The following ABCA1 variants were observed in gnomAD, a reference collection of about 807,000 sequenced individuals.
The protein encoded by ABCA1 is ATP binding cassette subfamily A member 1, also known as phospholipid-transporting ATPase ABCA1.
ABCA1 carries 133 observed loss-of-function variants against 262.5 expected under a neutral mutation model. That is an observed-to-expected ratio of 0.51 (90% CI 0.44 to 0.59). The LOEUF (loss-of-function observed/expected upper bound fraction) is 0.59. ABCA1 is among the 20% of genes least tolerant of loss of function. The pLI is 0.00. For missense variants in ABCA1, 2,452 were observed against 2,777.5 expected (o/e 0.88, Z 2.63); for synonymous variants, 1,022 against 1,043.5 (o/e 0.98, Z 0.40).
chr9:104,818,149 T>C (rs1364630345), intron 23 of ABCA1, among the ~76,000 whole-genome samples: 1 of 147,532 alleles, frequency 6.8e-6, no homozygotes, highest in Non-Finnish European at 1.5e-5. Flanking sequence ...TCTCTGCACT[T>C]TAATTGAGAT....
At chr9:104,821,797 C>T (rs1444001754) in intron 19 of ABCA1, among the ~76,000 whole-genome samples, 2 of 152,110 alleles carry the variant, frequency 1.3e-5, no homozygotes, top group Non-Finnish European at 2.9e-5. Context: ...TGCCTAACAT[C>T]GCATGCATGG....
chr9:104,857,745 A>G (rs1835970142), intron 7 of ABCA1, among the ~76,000 whole-genome samples: 1 of 152,206 alleles, frequency 6.6e-6, no homozygotes, highest in East Asian at 1.9e-4. Context: ...CTTTCCAGAT[A>G]CATCCTTCCT....
At chr9:104,862,634 C>T (rs10820740) in intron 5 of ABCA1, among the ~76,000 whole-genome samples, 46,095 of 61,750 alleles carry the variant, frequency 0.75, 15,410 homozygotes, top group Middle Eastern at 0.84. Context: ...TGCAGACTGC[C>T]GGGCCGGGCC....
At chr9:104,855,605 C>T (rs1835768116) in intron 7 of ABCA1, 2 of 1,384,470 alleles carry the variant, frequency 1.4e-6, no homozygotes, top group Middle Eastern at 2.4e-4. Flanking sequence ...TATTGTGTGC[C>T]AGGCCCCACA....
At chr9:104,864,270 G>A (rs147414844) in intron 5 of ABCA1, among the ~76,000 whole-genome samples, 1 of 152,260 alleles carries the variant, frequency 6.6e-6, no homozygotes, top group East Asian at 1.9e-4. Context: ...GCCAGGTCCA[G>A]GAAGAGCCCA....
intron 27 of ABCA1, 26 bp downstream of exon 27, chr9:104,814,092 C>T: frequency 6.3e-7 from 1 of 1,586,650 alleles, no homozygotes; most frequent in African/African-American, 1.3e-5. Flanking sequence ...AACAGTAGGA[C>T]ACTGTTTGAT....
At chr9:104,804,313 C>T (rs1830584655) in intron 32 of ABCA1, among the ~76,000 whole-genome samples, 1 of 152,204 alleles carries the variant, frequency 6.6e-6, no homozygotes, top group Non-Finnish European at 1.5e-5. Flanking sequence ...ATTAATATCA[C>T]AATTTAGATA....
At chr9:104,800,853 G>A (rs1283609178) in intron 34 of ABCA1, among the ~76,000 whole-genome samples, 1 of 152,110 alleles carries the variant, frequency 6.6e-6, no homozygotes, top group African/African-American at 2.4e-5. Context: ...TTAATGTCTG[G>A]TTATCACGGT....
intron 7 of ABCA1, chr9:104,855,828 GAGCACCCAGATTCTGA>G: frequency 6.2e-7 from 1 of 1,606,550 alleles, no homozygotes. Context: ...CTGCTTTCCA[GAGCACCCAGATTCTGA>G]AGGAGGCCCA....
chr9:104,874,922 T>A (rs1336049446), intron 5 of ABCA1, among the ~76,000 whole-genome samples: 1 of 149,420 alleles, frequency 6.7e-6, no homozygotes, highest in East Asian at 2.0e-4. Context: ...GGGGGGCGCC[T>A]CTGCCCGGCC....
chr9:104,897,291 G>A (rs779657112), intron 2 of ABCA1, among the ~76,000 whole-genome samples: 1 of 152,114 alleles, frequency 6.6e-6, no homozygotes, highest in Non-Finnish European at 1.5e-5. Flanking sequence ...TGCATTGATG[G>A]TGGCTATTTA....
At chr9:104,806,535 T>C (rs1015752274) in intron 30 of ABCA1, 105 bp from the exon 31 acceptor site, 1 of 1,061,854 alleles carries the variant, frequency 9.4e-7, no homozygotes, top group Non-Finnish European at 1.4e-6. Flanking sequence ...CATGCATCTA[T>C]TCCCTCACCA....
intron 9 of ABCA1, 98 bp from the exon 10 acceptor site, chr9:104,837,665 C>G (rs1044672959): frequency 1.4e-6 from 2 of 1,411,892 alleles, no homozygotes; most frequent in Admixed American, 3.5e-5. Flanking sequence ...GTTGAAACCC[C>G]AGCTCTACCA....
At chr9:104,833,142 C>T (rs1588342666) in intron 11 of ABCA1, among the ~76,000 whole-genome samples, 2 of 152,324 alleles carry the variant, frequency 1.3e-5, no homozygotes, top group South Asian at 2.1e-4. Context: ...CTTCACCTTA[C>T]ACAACTCCAT....
intron 1 of ABCA1, among the ~76,000 whole-genome samples, chr9:104,916,808 G>A (rs1841872332): frequency 6.6e-6 from 1 of 152,162 alleles, no homozygotes; most frequent in Admixed American, 6.5e-5. Flanking sequence ...ACCTCCCAAA[G>A]TGCTGTGATT....
At chr9:104,865,976 T>G (rs571022987) in intron 5 of ABCA1, among the ~76,000 whole-genome samples, 16 of 152,222 alleles carry the variant, frequency 1.1e-4, no homozygotes, top group African/African-American at 3.9e-4. Flanking sequence ...AGACAGTAAA[T>G]GGAAGCACTG....
At chr9:104,839,555 T>G (rs1834182372) in intron 9 of ABCA1, among the ~76,000 whole-genome samples, 1 of 152,238 alleles carries the variant, frequency 6.6e-6, no homozygotes, top group African/African-American at 2.4e-5. Flanking sequence ...ATCATTACTG[T>G]TATTTCTTTT....
chr9:104,785,604 G>A lies in ABCA1; in HGVS notation c.6437C>T (p.Ala2146Val). 6.2e-7 allele frequency: 1 copy of A among 1,614,114 alleles called. No individual in the cohort carries two copies. Among genetic ancestry groups the A allele is most frequent in the African/African-American group, 1.3e-5 (1 of 75,022 alleles). Residue 2146 changes from alanine (A) to valine (V), a missense_variant, in exon 49 of 50, where the codon GCA (alanine) becomes GTA (valine). This residue lies in a region of ABCA1 where 752 missense variants were observed against 944.5 expected (regional missense o/e 0.80). Coordinates refer to ENST00000374736, the MANE Select transcript of ABCA1 (RefSeq NM_005502.4). ...AGGCTTCAGGTCCGGGTTGGACCCT[G>A]CTATTCGTACAACTATTGTATAACC... is the stretch of plus-strand genomic sequence containing the variant. The part of the protein sequence containing the change: ...GDGYTIVVRI[A>V]GSNPDLKPVQ...
chr9:104,926,396 C>T (rs1826327869), intron 1 of ABCA1, among the ~76,000 whole-genome samples: 1 of 151,798 alleles, frequency 6.6e-6, no homozygotes. Flanking sequence ...CCGTCCGCCG[C>T]CCCAAGAACC....
Sources: allele counts gnomAD v4.1 joint callset (sites outside exome capture counted in the v4.1 genomes callset), GRCh38; gene constraint gnomAD v4.1.1; regional missense constraint gnomAD v4.1.1; transcripts MANE v1.5; gene names NCBI Gene and HGNC (gene_info 2026-07-23, HGNC 2026-07-21).